Variants in ICMT observed in about 807,000 individuals in gnomAD.
ICMT encodes the protein isoprenylcysteine carboxyl methyltransferase, also known as protein-S-isoprenylcysteine O-methyltransferase.
In ICMT, 10 loss-of-function variants were observed where a neutral mutation model predicts 32.2. The ratio of observed to expected loss-of-function variants is 0.31; its 90% confidence interval spans 0.19 to 0.53. The LOEUF is 0.53. Among genes scored for constraint, ICMT ranks in the 20% least tolerant of loss-of-function variants. The pLI, the probability that ICMT is intolerant of heterozygous loss-of-function variation, is 0.96. For synonymous variants in ICMT, 183 were observed against 158.2 expected (o/e 1.16, Z -1.18); for missense variants, 265 against 356.9 (o/e 0.74, Z 2.07).
At chr1:6,234,516 T>C (rs1157528271) in intron 2 of ICMT, 1 of 483,800 alleles carries the variant, frequency 2.1e-6, no homozygotes, top group East Asian at 6.0e-5. Flanking sequence ...TGTGACCTAA[T>C]AGAAATTAGA....
At chr1:6,235,588 C>T (rs749930142) in intron 1 of ICMT, 129 bp downstream of exon 1, 556 of 551,288 alleles carry the variant, frequency 1.0e-3, no homozygotes, top group Non-Finnish European at 1.2e-3. Context: ...CTCCTGCGAC[C>T]TGAACTCGCG....
Position 6,225,215 on chromosome 1 carries a change from C to T in ICMT, c.720G>A (p.Val240=). 1.2e-6 allele frequency: 2 copies of T among 1,614,050 alleles called. No individual in the cohort carries two copies. Among genetic ancestry groups the T allele is most frequent in the Non-Finnish European group, 1.7e-6 (2 of 1,180,024 alleles). ...CTGTTCGATCGCGGAAGAATCGCCA[C>T]ACTGTCAGGGCATAGCTGACGCCGC... ...PICGVSYALT[V]WRFFRDRTEE... The change falls in exon 5 of 5, where the codon GTG becomes GTA. Residue 240 remains valine (V), a synonymous_variant. Coordinates refer to ENST00000343813, the MANE Select transcript of ICMT (RefSeq NM_012405.4).
In ICMT at chr1:6,222,951, A is replaced by C. The variant is rs1253867848; in HGVS notation, c.*2129T>G. ...TAAAGGACAAGTTTAGAAATGATTC[A>C]ACTCAAGTTCCTAAACAGAGTAAGT... On this transcript the variant is annotated 3_prime_UTR_variant, in exon 5 of 5. Transcript: ENST00000343813. 6.6e-6 allele frequency: 1 copy of C among 152,276 alleles called. No homozygotes were observed. Among genetic ancestry groups the C allele is most frequent in the Admixed American group, 6.5e-5 (1 of 15,282 alleles). 9.4% of individuals were successfully genotyped at this position (152,276 alleles called of 1,614,324 possible).
chr1:6,232,698 A>G (rs1271752755), intron 3 of ICMT, among the ~76,000 whole-genome samples: 2 of 151,156 alleles, frequency 1.3e-5, no homozygotes, highest in East Asian at 3.9e-4. Context: ...ACAGGCATGC[A>G]CTACCAGGCC....
intron 4 of ICMT, 23 bp downstream of exon 4, chr1:6,231,879 C>G: frequency 7.5e-7 from 1 of 1,337,572 alleles, no homozygotes; most frequent in African/African-American, 1.5e-5. Flanking sequence ...AAAAGAAAAG[C>G]AGTGTCATAT....
rs145085483 is a variant in ICMT at position 6,234,388 on chromosome 1, G to A, written c.284+498C>T. The stretch of plus-strand genomic sequence containing the variant: ...AGATGGCTCAAAATATTGATAAGAG[G>A]AGATAAAACTTTTTACCTTGAAGCC... On this transcript the variant is annotated intron_variant, in intron 2 of 4. Transcript: ENST00000343813. 1.2e-4 allele frequency: 50 copies of A among 433,008 alleles called. No homozygotes were observed. In the East Asian group the frequency reaches 2.1e-3, roughly 18 times the overall value. 26.8% of individuals were successfully genotyped at this position (433,008 alleles called of 1,614,324 possible).
chr1:6,229,135 C>T (rs1441152197), intron 4 of ICMT, among the ~76,000 whole-genome samples: 2 of 152,086 alleles, frequency 1.3e-5, no homozygotes, highest in African/African-American at 2.4e-5. Context: ...CGCAGGAGTT[C>T]GAGGCCAGCC....
chr1:6,228,405 C>T (rs1236838531), intron 4 of ICMT, among the ~76,000 whole-genome samples: 6 of 150,988 alleles, frequency 4.0e-5, no homozygotes, highest in South Asian at 2.1e-4. Context: ...TACGGTGGCG[C>T]GATCTCGGCT....
chr1:6,221,970 T>C lies in ICMT; in HGVS notation c.*3110A>G, dbSNP rs1158847069. On this transcript the variant is annotated 3_prime_UTR_variant, in exon 5 of 5. Transcript: ENST00000343813. ...TTGACAGTTTTTTAAATCGAGAAAA[T>C]TGGTGATGTGGCCTTGGCAGCAAAT... 1 of 152,232 alleles carries C rather than the reference T, an allele frequency of 6.6e-6. No homozygotes were observed. The highest frequency in any genetic ancestry group is 2.4e-5 in the African/African-American group (1 of 41,454). The allele number at this position is 152,232 out of a possible 1,614,324, so 9.4% of individuals were successfully genotyped here.
rs189507273 is a variant in ICMT at position 6,223,838 on chromosome 1, G to C, written c.*1242C>G. On this transcript the variant is annotated 3_prime_UTR_variant, in exon 5 of 5. Coordinates refer to ENST00000343813, the MANE Select transcript of ICMT (RefSeq NM_012405.4). ...ACATTCACACTTCTTCAGTGCCACCGCAACACTGCATGGCAGGATCTCACG... is the reference window on the plus strand; with the variant it reads ...ACATTCACACTTCTTCAGTGCCACCCCAACACTGCATGGCAGGATCTCACG... 2 of 152,224 alleles carry C rather than the reference G, an allele frequency of 1.3e-5. No individual in the cohort carries two copies. The highest frequency in any genetic ancestry group is 4.8e-5 in the African/African-American group (2 of 41,452). The allele number at this position is 152,224 out of a possible 1,614,324, so 9.4% of individuals were successfully genotyped here.
intron 2 of ICMT, 43 bp from the exon 3 acceptor site, chr1:6,233,686 C>A: frequency 6.5e-7 from 1 of 1,548,798 alleles, no homozygotes; most frequent in Non-Finnish European, 8.8e-7. Flanking sequence ...ACAAGAGAAC[C>A]AAGTTAACCA....
At chr1:6,234,068 C>G (rs56194746) in intron 2 of ICMT, among the ~76,000 whole-genome samples, 6,639 of 152,152 alleles carry the variant, frequency 0.044, 450 homozygotes, top group African/African-American at 0.15. Context: ...AGGCTGGTCT[C>G]GAACTCCTGG....
At chr1:6,235,210 A>G (rs1362694109) in intron 1 of ICMT, among the ~76,000 whole-genome samples, 1 of 152,240 alleles carries the variant, frequency 6.6e-6, no homozygotes, top group Non-Finnish European at 1.5e-5. Flanking sequence ...GCCAGGGGAT[A>G]ACAGTACCTA....
chr1:6,226,762 G>T (rs940848505), intron 4 of ICMT, among the ~76,000 whole-genome samples: 12 of 152,132 alleles, frequency 7.9e-5, no homozygotes, highest in African/African-American at 2.7e-4. Context: ...ATTTTTTAAA[G>T]ACAGGGTCTC....
Position 6,234,882 on chromosome 1 carries a change from T to C in ICMT, c.284+4A>G. On this transcript the variant is annotated splice_donor_region_variant and intron_variant, in intron 2 of 4. Transcript: ENST00000343813. Reference sequence around the variant, plus strand: ...AAAACCAGTATTTCCGAAGGAATTCTTACCAGCCAAAGTGACTCCAAGAAG... The same window carrying C: ...AAAACCAGTATTTCCGAAGGAATTCCTACCAGCCAAAGTGACTCCAAGAAG... 6.2e-7 allele frequency: 1 copy of C among 1,609,714 alleles called. No homozygotes were observed. The highest frequency in any genetic ancestry group is 8.5e-7 in the Non-Finnish European group (1 of 1,176,054).
intron 2 of ICMT, chr1:6,234,500 A>C: frequency 2.1e-6 from 1 of 487,298 alleles, no homozygotes; most frequent in Non-Finnish European, 4.1e-6. Flanking sequence ...GTGGGGATGC[A>C]CTAGATGTGA....
intron 1 of ICMT, 135 bp from the exon 2 acceptor site, chr1:6,235,109 G>A: frequency 3.0e-6 from 2 of 664,826 alleles, no homozygotes; most frequent in African/African-American, 3.6e-5. Context: ...GGAGAAGTGG[G>A]CGACCTGGGT....
At chr1:6,227,363 C>T (rs1421331473) in intron 4 of ICMT, among the ~76,000 whole-genome samples, 2 of 152,206 alleles carry the variant, frequency 1.3e-5, no homozygotes, top group African/African-American at 4.8e-5. Flanking sequence ...GCTATGTGAT[C>T]ATTTGCCCCA....
intron 4 of ICMT, 125 bp downstream of exon 4, chr1:6,231,777 T>C: frequency 3.2e-6 from 2 of 631,792 alleles, no homozygotes; most frequent in Non-Finnish European, 5.4e-6. Flanking sequence ...AACAACCTCA[T>C]GAATACACTG....
Sources: gnomAD v4.1 joint callset for allele counts (sites outside exome capture counted in the v4.1 genomes callset) on GRCh38, gnomAD v4.1.1 for gene constraint, MANE v1.5 for transcripts, NCBI Gene and HGNC (gene_info 2026-07-23, HGNC 2026-07-21) for gene names.